The following GRIK2 variants were observed in gnomAD, a reference collection of about 807,000 sequenced individuals.
GRIK2 encodes the protein glutamate receptor ionotropic, kainate 2.
GRIK2 carries 32 observed loss-of-function variants against 100.3 expected under a neutral mutation model. The observed-to-expected ratio is 0.32, with a 90% CI of 0.24 to 0.43. GRIK2 has a LOEUF of 0.43. Among genes scored for constraint, GRIK2 ranks in the 20% least tolerant of loss-of-function variants. The probability of loss-of-function intolerance (pLI) is 1.00; values close to 1 mark genes in which losing one functional copy is unlikely to be tolerated. For synonymous variants in GRIK2, 417 were observed against 389.4 expected, an observed-to-expected ratio of 1.07 and a Z score of -0.83; for missense variants, 843 against 1,114.9, an observed-to-expected ratio of 0.76 and a Z score of 3.47.
intron 2 of GRIK2, among the ~76,000 whole-genome samples, chr6:101,454,048 C>G (rs1249341107): frequency 2.0e-5 from 3 of 151,948 alleles, no homozygotes; most frequent in East Asian, 1.9e-4. Context: ...GAATTCACAC[C>G]CTTTGAAGAA....
chr6:101,944,635 T>G (rs1246338584), intron 14 of GRIK2, among the ~76,000 whole-genome samples: 1 of 152,200 alleles, frequency 6.6e-6, no homozygotes, highest in Non-Finnish European at 1.5e-5. Flanking sequence ...GTTTTATGTT[T>G]TTTGTGCTAA....
At chr6:101,804,864 C>G in intron 9 of GRIK2, among the ~76,000 whole-genome samples, 1 of 151,806 alleles carries the variant, frequency 6.6e-6, no homozygotes, top group Non-Finnish European at 1.5e-5. Context: ...ATTGAAAATT[C>G]CATTTTGACA....
intron 2 of GRIK2, among the ~76,000 whole-genome samples, chr6:101,566,899 T>C (rs1777303009): frequency 6.6e-6 from 1 of 150,540 alleles, no homozygotes; most frequent in South Asian, 2.1e-4. Flanking sequence ...TGTATACATA[T>C]ATACATGTCT....
At chr6:101,535,512 C>T (rs1775647384) in intron 2 of GRIK2, among the ~76,000 whole-genome samples, 1 of 151,682 alleles carries the variant, frequency 6.6e-6, no homozygotes, top group African/African-American at 2.4e-5. Flanking sequence ...TCGGGAATAA[C>T]AAATGGCTGA....
chr6:101,503,360 G>A (rs919156627), intron 2 of GRIK2, among the ~76,000 whole-genome samples: 3 of 152,062 alleles, frequency 2.0e-5, no homozygotes, highest in African/African-American at 4.8e-5. Flanking sequence ...TGAATAGAAA[G>A]GAGGAAGAAG....
At chr6:101,840,600 A>C (rs1001978307) in intron 10 of GRIK2, among the ~76,000 whole-genome samples, 7 of 152,176 alleles carry the variant, frequency 4.6e-5, no homozygotes, top group Non-Finnish European at 8.8e-5. Flanking sequence ...CCACAATAAC[A>C]GATGAGTCCT....
At chr6:101,533,179 A>G (rs1271057321) in intron 2 of GRIK2, among the ~76,000 whole-genome samples, 1 of 151,918 alleles carries the variant, frequency 6.6e-6, no homozygotes, top group African/African-American at 2.4e-5. Context: ...AAATACCATG[A>G]TAAGCACTTT....
chr6:101,879,173 T>C (rs971677336), intron 11 of GRIK2, among the ~76,000 whole-genome samples: 1 of 152,030 alleles, frequency 6.6e-6, no homozygotes, highest in Non-Finnish European at 1.5e-5. Flanking sequence ...AGGTAAACCA[T>C]ATTACTGTGC....
chr6:101,571,500 T>A (rs1227122633), intron 2 of GRIK2, among the ~76,000 whole-genome samples: 1 of 152,144 alleles, frequency 6.6e-6, no homozygotes, highest in African/African-American at 2.4e-5. Context: ...CACTGATGAG[T>A]TTGCATTAAT....
At chr6:102,036,526 G>C (rs1770282740) in intron 15 of GRIK2, among the ~76,000 whole-genome samples, 1 of 151,200 alleles carries the variant, frequency 6.6e-6, no homozygotes, top group Non-Finnish European at 1.5e-5. Flanking sequence ...AAAAGGGAGA[G>C]TGTAGGGTTG....
Position 101,476,167 on chromosome 6 carries a change from A to G in GRIK2, c.115+76775A>G, listed in dbSNP as rs111557570. Among the ~76,000 whole-genome samples the G allele has an allele frequency of 7.9e-3, 1,207 of 152,246 alleles. 13 individuals carry two copies. The highest frequency in any genetic ancestry group is 0.027 in the African/African-American group (1,134 of 41,560). ...GAATACCATATGATGAATTTAGTAT[A>G]TAACTGTAAATGGATTCAGCTACTG... On this transcript the variant is annotated intron_variant, in intron 2 of 16. Transcript: ENST00000369134.
Position 101,452,960 on chromosome 6 carries a change from CT to C in GRIK2, c.115+53571del, listed in dbSNP as rs1310807830. Among the ~76,000 whole-genome samples the C allele has an allele frequency of 8.6e-5, 13 of 151,806 alleles. No individual in the cohort carries two copies. The South Asian group carries it at 2.5e-3, about 29-fold the overall frequency. Reference sequence around the variant, plus strand: ...AATGGCAGTTTTATTTTTTCAGTAACTTTGCATCTTTCAGTTACTATAAAAA... The same window carrying C: ...AATGGCAGTTTTATTTTTTCAGTAACTTGCATCTTTCAGTTACTATAAAAA... On this transcript the variant is annotated intron_variant, in intron 2 of 16. Coordinates refer to ENST00000369134, the MANE Select transcript of GRIK2 (RefSeq NM_021956.5).
At chr6:102,062,704 T>C (rs1372174060) in intron 16 of GRIK2, among the ~76,000 whole-genome samples, 1 of 150,578 alleles carries the variant, frequency 6.6e-6, no homozygotes, top group Non-Finnish European at 1.5e-5. Flanking sequence ...GTTATATTCA[T>C]ATAGCCTTAG....
chr6:101,438,607 A>G (rs771146901), intron 2 of GRIK2, among the ~76,000 whole-genome samples: 2 of 152,040 alleles, frequency 1.3e-5, no homozygotes, highest in Non-Finnish European at 2.9e-5. Context: ...AAATGTGCTC[A>G]ACATCGTTCT....
intron 12 of GRIK2, among the ~76,000 whole-genome samples, chr6:101,921,936 G>C (rs1459053607): frequency 6.6e-6 from 1 of 151,850 alleles, no homozygotes; most frequent in African/African-American, 2.4e-5. Context: ...CAGAGAATGT[G>C]AGGTAAAACA....
At chr6:101,437,548 G>A (rs1193544828) in intron 2 of GRIK2, among the ~76,000 whole-genome samples, 1 of 152,006 alleles carries the variant, frequency 6.6e-6, no homozygotes, top group African/African-American at 2.4e-5. Flanking sequence ...TTAACAACTT[G>A]TAATTTCACA....
chr6:101,906,456 T>G (rs1022918077), intron 12 of GRIK2, among the ~76,000 whole-genome samples: 4 of 150,950 alleles, frequency 2.6e-5, no homozygotes, highest in Non-Finnish European at 5.9e-5. Flanking sequence ...TCCCAAATTT[T>G]TGAGTATGCT....
At chr6:101,442,893 T>A (rs1196294509) in intron 2 of GRIK2, among the ~76,000 whole-genome samples, 1 of 152,190 alleles carries the variant, frequency 6.6e-6, no homozygotes, top group Non-Finnish European at 1.5e-5. Context: ...TATTTACTAC[T>A]TCTCCTGTTA....
chr6:101,448,304 C>T (rs370486735), intron 2 of GRIK2, among the ~76,000 whole-genome samples: 11 of 151,566 alleles, frequency 7.3e-5, no homozygotes, highest in African/African-American at 2.7e-4. Context: ...TATCTGAGCA[C>T]CAAAATAAGT....
Sources: allele counts gnomAD v4.1 joint callset (sites outside exome capture counted in the v4.1 genomes callset), GRCh38; gene constraint gnomAD v4.1.1; transcripts MANE v1.5; gene names NCBI Gene and HGNC (gene_info 2026-07-23, HGNC 2026-07-21).